SLC22A4: variants seen among roughly 807,000 people sequenced by gnomAD.
SLC22A4 encodes the protein solute carrier family 22 member 4, also known as ET transporter.
Under a neutral mutation model 56.6 loss-of-function variants are expected in SLC22A4, and 39 were observed. That is an observed-to-expected ratio of 0.69 (90% CI 0.53 to 0.90). SLC22A4 has a LOEUF of 0.90. Among genes scored for constraint, SLC22A4 ranks in the 40% least tolerant of loss-of-function variants. The pLI is 0.00. For synonymous variants in SLC22A4, 241 were observed against 281.4 expected, an observed-to-expected ratio of 0.86 and a Z score of 1.44; for missense variants, 594 against 696.5, an observed-to-expected ratio of 0.85 and a Z score of 1.66.
At chr5:132,319,319 G>GA (rs1354039065) in intron 3 of SLC22A4, among the ~76,000 whole-genome samples, 8 of 135,968 alleles carry the variant, frequency 5.9e-5, no homozygotes, top group Admixed American at 1.4e-4. Context: ...AAAAAAAAAA[G>GA]AAAAAAAAGA....
chr5:132,329,326 T>C (rs1750787566), intron 5 of SLC22A4, among the ~76,000 whole-genome samples: 1 of 152,086 alleles, frequency 6.6e-6, no homozygotes, highest in Admixed American at 6.6e-5. Flanking sequence ...TGCGCTTTCC[T>C]GAGGCCTGGT....
intron 1 of SLC22A4, chr5:132,295,299 T>G: frequency 3.2e-6 from 2 of 629,590 alleles, no homozygotes; most frequent in Non-Finnish European, 3.0e-6. Flanking sequence ...AACCTAGATG[T>G]TGCGTTGGGG....
intron 5 of SLC22A4, among the ~76,000 whole-genome samples, chr5:132,328,930 T>TATATACAC (rs1475251337): frequency 2.0e-3 from 44 of 21,944 alleles, no homozygotes; most frequent in African/African-American, 0.014. Flanking sequence ...TATATATATA[T>TATATACAC]ACACACACAC....
chr5:132,336,473 A>C (rs1001542380), intron 8 of SLC22A4, among the ~76,000 whole-genome samples: 13 of 152,180 alleles, frequency 8.5e-5, no homozygotes, highest in Non-Finnish European at 1.5e-5. Context: ...GCAGTGAGTC[A>C]AGATTGCACC....
At position 132,313,633 on chromosome 5, in the gene SLC22A4, C is replaced by G; in HGVS notation, c.517C>G (p.Leu173Val). 6.2e-7 allele frequency: 1 copy of G among 1,614,260 alleles called. No homozygotes were observed. Among genetic ancestry groups the G allele is most frequent in the Non-Finnish European group, 8.5e-7 (1 of 1,180,034 alleles). ...LSDRFGRKNV[L>V]FATMAVQTGF... ...CTCTAGGTTTGGCAGGAAGAACGTTCTCTTCGCAACCATGGCTGTACAGAC... is the reference window on the plus strand; with the variant it reads ...CTCTAGGTTTGGCAGGAAGAACGTTGTCTTCGCAACCATGGCTGTACAGAC... Residue 173 changes from leucine (L) to valine (V), a missense_variant, in exon 3 of 10, where the codon CTC becomes GTC. Transcript: ENST00000200652.
intron 1 of SLC22A4, among the ~76,000 whole-genome samples, chr5:132,299,815 A>G (rs1749871358): frequency 6.6e-6 from 1 of 152,230 alleles, no homozygotes; most frequent in African/African-American, 2.4e-5. Flanking sequence ...AAAATAGTAC[A>G]GAGATTTCAC....
Position 132,336,003 on chromosome 5 carries a change from G to A in SLC22A4, c.1444+3G>A, listed in dbSNP as rs1271409086. The A allele has an allele frequency of 6.2e-7, 1 of 1,613,382 alleles. No homozygotes were observed. The highest frequency in any genetic ancestry group is 8.5e-7 in the Non-Finnish European group (1 of 1,179,326). On this transcript the variant is annotated splice_donor_region_variant and intron_variant, in intron 8 of 9. Transcript: ENST00000200652. ...TGCCCCCTACTTTGTTTACCTCGGT[G>A]AGCTGCATCTTGTGCATTTGTTCTT... is the stretch of plus-strand genomic sequence containing the variant.
chr5:132,302,416 T>C (rs1371525604), intron 1 of SLC22A4, among the ~76,000 whole-genome samples: 1 of 152,168 alleles, frequency 6.6e-6, no homozygotes, highest in Non-Finnish European at 1.5e-5. Context: ...GTAAGACTAA[T>C]ACAGGTGTGC....
intron 3 of SLC22A4, among the ~76,000 whole-genome samples, chr5:132,317,099 A>C (rs942786567): frequency 6.6e-6 from 1 of 152,118 alleles, no homozygotes; most frequent in Non-Finnish European, 1.5e-5. Flanking sequence ...AGCCATAGAG[A>C]GCTCACTCTC....
chr5:132,334,127 T>A (rs1238966031), intron 6 of SLC22A4, among the ~76,000 whole-genome samples: 1 of 152,138 alleles, frequency 6.6e-6, no homozygotes, highest in Non-Finnish European at 1.5e-5. Context: ...AGCTTCTACA[T>A]GGAAGTTAAC....
chr5:132,313,834 A>G (rs1480672770), intron 3 of SLC22A4, 66 bp downstream of exon 3: 14 of 1,507,754 alleles, frequency 9.3e-6, no homozygotes, highest in African/African-American at 2.7e-5. Flanking sequence ...GAAAGAGGAA[A>G]TCATTGGGCC....
chr5:132,323,758 G>A (rs1214917985), intron 4 of SLC22A4, among the ~76,000 whole-genome samples: 1 of 152,208 alleles, frequency 6.6e-6, no homozygotes, highest in Non-Finnish European at 1.5e-5. Flanking sequence ...TATTGGAAAA[G>A]ATGTTAGTGA....
At chr5:132,319,105 C>T (rs1282495874) in intron 3 of SLC22A4, among the ~76,000 whole-genome samples, 3 of 152,034 alleles carry the variant, frequency 2.0e-5, no homozygotes, top group African/African-American at 7.3e-5. Flanking sequence ...AGTTCAAGAC[C>T]AGCCTGGCCA....
At chr5:132,313,921 A>AGGGGC (rs969578288) in intron 3 of SLC22A4, among the ~76,000 whole-genome samples, 153 bp downstream of exon 3, 3 of 152,162 alleles carry the variant, frequency 2.0e-5, no homozygotes, top group Admixed American at 1.3e-4. Flanking sequence ...GGAGCAAGTC[A>AGGGGC]GGGGCAGGGC....
intron 9 of SLC22A4, among the ~76,000 whole-genome samples, chr5:132,342,926 T>C (rs1228849315): frequency 6.6e-6 from 1 of 152,210 alleles, no homozygotes; most frequent in East Asian, 1.9e-4. Flanking sequence ...GCATGATGGA[T>C]TATTAAGTCT....
Position 132,294,570 on chromosome 5 carries a change from C to G in SLC22A4, c.-47C>G. Reference sequence around the variant, plus strand: ...CAGCTACAAGACACTGTCCTGAGAACGCTGTCATCACCCGTAGTTGCAAGT... The same window carrying G: ...CAGCTACAAGACACTGTCCTGAGAAGGCTGTCATCACCCGTAGTTGCAAGT... On this transcript the variant is annotated 5_prime_UTR_variant, in exon 1 of 10. Coordinates refer to ENST00000200652, the MANE Select transcript of SLC22A4 (RefSeq NM_003059.3). The surrounding 1 kb of genome is among the most constrained non-coding windows in gnomAD (Gnocchi z 5.6). 6.2e-7 allele frequency: 1 copy of G among 1,613,492 alleles called. No individual in the cohort carries two copies. Among genetic ancestry groups the G allele is most frequent in the East Asian group, 2.2e-5 (1 of 44,876 alleles).
In SLC22A4 at chr5:132,340,693, G is replaced by C; in HGVS notation, c.1573G>C (p.Val525Leu). Residue 525 changes from valine (V) to leucine (L), a missense_variant, in exon 9 of 10, where the codon GTG becomes CTG. Val to Leu is a conservative substitution (Grantham distance 32). Transcript: ENST00000200652. Reference protein sequence around the residue: ...LPETLEQMQKVKWFRSGKKTR... With the variant: ...LPETLEQMQKLKWFRSGKKTR... ...AGAAACCTTAGAGCAGATGCAGAAA[G>C]TGAAATGGTAAGTAGGACTTTTAAC... 2 of 1,614,136 alleles carry C rather than the reference G, an allele frequency of 1.2e-6. No individual in the cohort carries two copies. Among genetic ancestry groups the C allele is most frequent in the South Asian group, 1.1e-5 (1 of 91,086 alleles).
In SLC22A4 at chr5:132,335,446, A is replaced by G. The variant is rs147510048; in HGVS notation, c.1262-372A>G. Among the ~76,000 whole-genome samples, 751 of 152,334 alleles carry G rather than the reference A, an allele frequency of 4.9e-3. 6 individuals are homozygous for G. The highest frequency in any genetic ancestry group is 0.018 in the African/African-American group (729 of 41,574). ...AAATTATTGATAGTAATAGAAATAC[A>G]TATTTCTTAATAATAAGAAAGAGGA... On this transcript the variant is annotated intron_variant, in intron 7 of 9. Coordinates refer to ENST00000200652, the MANE Select transcript of SLC22A4 (RefSeq NM_003059.3).
At chr5:132,326,877 A>C (rs980149446) in intron 4 of SLC22A4, among the ~76,000 whole-genome samples, 1 of 152,376 alleles carries the variant, frequency 6.6e-6, no homozygotes, top group Non-Finnish European at 1.5e-5. Context: ...CTGGGACACC[A>C]GCAATTCTCC....
Sources: gnomAD v4.1 joint callset for allele counts (sites outside exome capture counted in the v4.1 genomes callset) on GRCh38, gnomAD v4.1.1 for gene constraint, Gnocchi (gnomAD v3.1) non-coding constraint, MANE v1.5 for transcripts, NCBI Gene and HGNC (gene_info 2026-07-23, HGNC 2026-07-21) for gene names.